The following ALX1 variants were observed in gnomAD, a reference collection of about 807,000 sequenced individuals.
The protein encoded by ALX1 is ALX homeobox protein 1.
In ALX1, 19 loss-of-function variants were observed where a neutral mutation model predicts 31.7. That is an observed-to-expected ratio of 0.60 (90% CI 0.42 to 0.88). The LOEUF (loss-of-function observed/expected upper bound fraction) is 0.88, where lower values mean the gene tolerates loss of function less well. Ranked by LOEUF, ALX1 falls within the 40% of genes least tolerant of loss-of-function variation. The pLI is 0.00. For synonymous variants in ALX1, 153 were observed against 148.8 expected (o/e 1.03, Z -0.20); for missense variants, 415 against 407.8 (o/e 1.02, Z -0.15).
At chr12:85,280,571 A>G in intron 1 of ALX1, 84 bp downstream of exon 1, 1 of 1,442,078 alleles carries the variant, frequency 6.9e-7, no homozygotes, top group Non-Finnish European at 9.5e-7. Context: ...GCAGGGAGGG[A>G]GAAAGGAGAA....
chr12:85,284,120 T>A (rs1259657857), intron 2 of ALX1, among the ~76,000 whole-genome samples: 1 of 151,592 alleles, frequency 6.6e-6, no homozygotes, highest in Admixed American at 6.6e-5. Flanking sequence ...TTAACAATCA[T>A]TCAAACATAA....
chr12:85,282,766 T>C (rs1896693871), intron 1 of ALX1, among the ~76,000 whole-genome samples: 1 of 152,182 alleles, frequency 6.6e-6, no homozygotes, highest in African/African-American at 2.4e-5. Context: ...TCATGCTCTG[T>C]AATGTTTTAA....
chr12:85,280,500 C>T lies in ALX1; in HGVS notation c.226+13C>T. The T allele has an allele frequency of 6.2e-7, 1 of 1,607,730 alleles. No individual in the cohort carries two copies. ...CAGGACAGCAGCGGTGAGTCGCTAGCGCCCCAGCCGGAGCCGCCGCAGCCC... is the reference window on the plus strand; with the variant it reads ...CAGGACAGCAGCGGTGAGTCGCTAGTGCCCCAGCCGGAGCCGCCGCAGCCC... On this transcript the variant is annotated intron_variant, in intron 1 of 3. Coordinates refer to ENST00000316824, the MANE Select transcript of ALX1 (RefSeq NM_006982.3).
chr12:85,297,450 A>T (rs541985546), intron 3 of ALX1, among the ~76,000 whole-genome samples: 4 of 151,778 alleles, frequency 2.6e-5, no homozygotes, highest in African/African-American at 9.6e-5. Context: ...ACATTTTAAG[A>T]TTTTTACATG....
At chr12:85,294,577 TG>T (rs1896862060) in intron 3 of ALX1, among the ~76,000 whole-genome samples, 1 of 151,124 alleles carries the variant, frequency 6.6e-6, no homozygotes, top group Non-Finnish European at 1.5e-5. Context: ...ATCTTGGACT[TG>T]GAGCATTTTT....
chr12:85,294,474 G>A (rs1245506121), intron 3 of ALX1, among the ~76,000 whole-genome samples: 3 of 151,056 alleles, frequency 2.0e-5, no homozygotes, highest in Non-Finnish European at 3.0e-5. Flanking sequence ...AAGCAATCGT[G>A]AGAGTTTCTA....
rs1565943642 is a variant in ALX1 at position 85,297,645 on chromosome 12, T to C, written c.661-3510T>C. Among the ~76,000 whole-genome samples, 4 of 151,684 alleles carry C rather than the reference T, an allele frequency of 2.6e-5. No individual in the cohort carries two copies. In the South Asian group the frequency reaches 6.2e-4, roughly 24 times the overall value. On this transcript the variant is annotated intron_variant, in intron 3 of 3. Coordinates refer to ENST00000316824, the MANE Select transcript of ALX1 (RefSeq NM_006982.3). ...AAAGAATTTTTCATTTGGAAGGAAG[T>C]TGGACTCCAGTAGTGTTTCCTAATT...
chr12:85,280,931 A>C (rs1896663816), intron 1 of ALX1, among the ~76,000 whole-genome samples: 1 of 151,996 alleles, frequency 6.6e-6, no homozygotes, highest in African/African-American at 2.4e-5. Context: ...CGAGTAGGGA[A>C]AAAAAAACCG....
intron 3 of ALX1, among the ~76,000 whole-genome samples, chr12:85,293,381 T>G (rs886078809): frequency 1.2e-4 from 18 of 150,456 alleles, no homozygotes; most frequent in Non-Finnish European, 1.9e-4. Context: ...TGAAATATTT[T>G]AATTTTAATG....
At chr12:85,299,961 G>T (rs1467390063) in intron 3 of ALX1, among the ~76,000 whole-genome samples, 2 of 151,926 alleles carry the variant, frequency 1.3e-5, no homozygotes, top group Non-Finnish European at 2.9e-5. Context: ...GTGTATTGCT[G>T]CTATGTTCTA....
At chr12:85,286,371 A>C (rs1055215084) in intron 2 of ALX1, among the ~76,000 whole-genome samples, 1 of 152,108 alleles carries the variant, frequency 6.6e-6, no homozygotes. Flanking sequence ...TATGAGCACA[A>C]CTGAGAAGAG....
At chr12:85,295,801 A>G (rs1213053925) in intron 3 of ALX1, among the ~76,000 whole-genome samples, 2 of 151,588 alleles carry the variant, frequency 1.3e-5, no homozygotes, top group African/African-American at 2.4e-5. Context: ...GGAGCACTCT[A>G]TATATAGATG....
At chr12:85,280,629 C>A in intron 1 of ALX1, 142 bp downstream of exon 1, 1 of 942,968 alleles carries the variant, frequency 1.1e-6, no homozygotes, top group Non-Finnish European at 1.6e-6. Context: ...GTGGAAGGTG[C>A]TCGCTTTATG....
chr12:85,282,740 A>T (rs1593047069), intron 1 of ALX1, among the ~76,000 whole-genome samples: 1 of 152,164 alleles, frequency 6.6e-6, no homozygotes, highest in Non-Finnish European at 1.5e-5. Flanking sequence ...AACATCCCTT[A>T]ACAGAATGCC....
chr12:85,288,406 T>C (rs1249700879), intron 3 of ALX1, among the ~76,000 whole-genome samples: 1 of 151,626 alleles, frequency 6.6e-6, no homozygotes, highest in Non-Finnish European at 1.5e-5. Context: ...TGAGGCTACC[T>C]CTGGTGGTTA....
At chr12:85,292,346 C>T (rs1276337326) in intron 3 of ALX1, among the ~76,000 whole-genome samples, 1 of 151,050 alleles carries the variant, frequency 6.6e-6, no homozygotes, top group East Asian at 1.9e-4. Context: ...ATATTTTCAT[C>T]ACAAATTTCA....
At chr12:85,299,441 T>G (rs2137394610) in intron 3 of ALX1, among the ~76,000 whole-genome samples, 1 of 151,672 alleles carries the variant, frequency 6.6e-6, no homozygotes, top group Admixed American at 6.6e-5. Context: ...ATTAACAAAA[T>G]ATGCAAATCA....
At chr12:85,291,362 G>C (rs1171083149) in intron 3 of ALX1, among the ~76,000 whole-genome samples, 2 of 150,914 alleles carry the variant, frequency 1.3e-5, no homozygotes, top group African/African-American at 4.8e-5. Flanking sequence ...AACACTTCTT[G>C]GTGCAAACTA....
intron 2 of ALX1, among the ~76,000 whole-genome samples, chr12:85,284,977 T>C (rs1374494751): frequency 6.6e-6 from 1 of 152,032 alleles, no homozygotes; most frequent in Non-Finnish European, 1.5e-5. Flanking sequence ...AAGCAGCAGA[T>C]TTTTACTTGA....
Sources: gnomAD v4.1 joint callset for allele counts (sites outside exome capture counted in the v4.1 genomes callset) on GRCh38, gnomAD v4.1.1 for gene constraint, MANE v1.5 for transcripts, NCBI Gene and HGNC (gene_info 2026-07-23, HGNC 2026-07-21) for gene names.